The following WASL variants were observed in gnomAD, a reference collection of about 807,000 sequenced individuals.
The protein encoded by WASL is actin nucleation-promoting factor WASL.
In WASL, 20 loss-of-function variants were observed where a neutral mutation model predicts 55.5. The observed-to-expected ratio is 0.36, with a 90% CI of 0.25 to 0.52. The LOEUF (loss-of-function observed/expected upper bound fraction) is 0.52, where lower values mean the gene tolerates loss of function less well. Ranked by LOEUF, WASL falls within the 20% of genes least tolerant of loss-of-function variation. The pLI, the probability that WASL is intolerant of heterozygous loss-of-function variation, is 0.92. For synonymous variants in WASL, 249 were observed against 217.6 expected, an observed-to-expected ratio of 1.14 and a Z score of -1.27; for missense variants, 504 against 622.5, an observed-to-expected ratio of 0.81 and a Z score of 2.03.
intron 1 of WASL, among the ~76,000 whole-genome samples, chr7:123,712,366 A>G (rs1265879624): frequency 6.6e-6 from 1 of 152,176 alleles, no homozygotes; most frequent in Non-Finnish European, 1.5e-5. Flanking sequence ...AGTATTTGTT[A>G]AAAACTACAT....
chr7:123,705,240 A>C (rs1034572522), intron 4 of WASL, among the ~76,000 whole-genome samples: 42 of 152,278 alleles, frequency 2.8e-4, no homozygotes, highest in African/African-American at 9.4e-4. Context: ...GGCAGAGTCA[A>C]TAGGACTCTG....
At chr7:123,712,787 C>A (rs1392263271) in intron 1 of WASL, among the ~76,000 whole-genome samples, 2 of 152,266 alleles carry the variant, frequency 1.3e-5, no homozygotes, top group East Asian at 3.9e-4. Context: ...CCCACTTCCT[C>A]CTATTCCCTC....
intron 1 of WASL, among the ~76,000 whole-genome samples, chr7:123,716,962 T>C (rs979364259): frequency 1.3e-5 from 2 of 152,194 alleles, no homozygotes; most frequent in African/African-American, 4.8e-5. Flanking sequence ...GCTAATTCTA[T>C]ACTCAACATA....
Position 123,706,803 on chromosome 7 carries a change from T to C in WASL, c.276A>G (p.Gln92=). 1.3e-6 allele frequency: 2 copies of C among 1,566,094 alleles called. No individual in the cohort carries two copies. The highest frequency in any genetic ancestry group is 1.7e-6 in the Non-Finnish European group (2 of 1,161,244). ...DIKDGKLLWE[Q]ELYNNFVYNS... ...TATATACAAAGTTATTGTATAGCTC[T>C]TGTTCCCACAATAGTTTCCCATCCT... The change falls in exon 3 of 11, where the codon CAA becomes CAG. Residue 92 remains glutamine, a synonymous_variant. Coordinates refer to ENST00000223023, the MANE Select transcript of WASL (RefSeq NM_003941.4).
intron 9 of WASL, among the ~76,000 whole-genome samples, chr7:123,691,360 C>A (rs1803405081): frequency 6.6e-6 from 1 of 151,536 alleles, no homozygotes; most frequent in African/African-American, 2.4e-5. Context: ...CAAACTTGAG[C>A]CCATGGGCCA....
At chr7:123,716,267 G>C (rs1378520163) in intron 1 of WASL, among the ~76,000 whole-genome samples, 4 of 152,090 alleles carry the variant, frequency 2.6e-5, no homozygotes, top group Non-Finnish European at 5.9e-5. Flanking sequence ...GGGTGGAGGA[G>C]TGCAATGGCA....
chr7:123,708,120 AG>A (rs1215586140), intron 2 of WASL, among the ~76,000 whole-genome samples: 1 of 152,176 alleles, frequency 6.6e-6, no homozygotes, highest in Non-Finnish European at 1.5e-5. Flanking sequence ...AAGGAGATCA[AG>A]GTTGCAGTAA....
chr7:123,729,106 G>C lies in WASL; in HGVS notation c.117+19512C>G, dbSNP rs73718467. 6.7e-3 allele frequency among the ~76,000 whole-genome samples: 1,016 copies of C among 151,810 alleles called. 12 individuals are homozygous for C. Among genetic ancestry groups the C allele is most frequent in the African/African-American group, 0.024 (977 of 41,360 alleles). ...ACTGCCTATGTCTACAGTATCTGTT[G>C]GAAATATAATGCAAGCCAATAACCA... On this transcript the variant is annotated intron_variant, in intron 1 of 10. Coordinates refer to ENST00000223023, the MANE Select transcript of WASL (RefSeq NM_003941.4).
intron 1 of WASL, among the ~76,000 whole-genome samples, chr7:123,710,150 A>C (rs572849658): frequency 1.3e-5 from 2 of 152,246 alleles, no homozygotes; most frequent in African/African-American, 4.8e-5. Flanking sequence ...TATGAAAGTG[A>C]TACACACTTA....
At chr7:123,694,614 G>T in intron 8 of WASL, 101 bp downstream of exon 8, 2 of 1,243,426 alleles carry the variant, frequency 1.6e-6, no homozygotes, top group Non-Finnish European at 2.3e-6. Flanking sequence ...TCAACATTCT[G>T]CTCAAGGAAG....
chr7:123,727,293 C>T (rs935170397), intron 1 of WASL, among the ~76,000 whole-genome samples: 5 of 151,698 alleles, frequency 3.3e-5, no homozygotes, highest in African/African-American at 9.7e-5. Context: ...AATAAACATA[C>T]ATCTTTCCAG....
chr7:123,685,496 C>T (rs1735767342), intron 10 of WASL, among the ~76,000 whole-genome samples: 1 of 152,048 alleles, frequency 6.6e-6, no homozygotes, highest in African/African-American at 2.4e-5. Context: ...TCATAAACTA[C>T]TTCCTCAGAG....
At chr7:123,718,605 G>C (rs1469442699) in intron 1 of WASL, among the ~76,000 whole-genome samples, 1 of 152,002 alleles carries the variant, frequency 6.6e-6, no homozygotes. Flanking sequence ...ATGTGGTCTA[G>C]GCTGGTCTCC....
intron 1 of WASL, among the ~76,000 whole-genome samples, chr7:123,744,155 A>G (rs1038595795): frequency 1.2e-4 from 19 of 152,146 alleles, no homozygotes; most frequent in Non-Finnish European, 2.5e-4. Context: ...TCCCTACCCA[A>G]CAGGTCTGAT....
intron 1 of WASL, among the ~76,000 whole-genome samples, chr7:123,742,503 C>T (rs553229459): frequency 9.1e-4 from 139 of 152,122 alleles, no homozygotes; most frequent in Non-Finnish European, 1.6e-3. Flanking sequence ...AACTAAAAAC[C>T]GATTTTTTTA....
chr7:123,707,465 C>T (rs1394134409), intron 2 of WASL, among the ~76,000 whole-genome samples: 3 of 152,040 alleles, frequency 2.0e-5, no homozygotes, highest in Non-Finnish European at 4.4e-5. Context: ...ATGATGGCTG[C>T]CATATCTATT....
chr7:123,737,463 G>A (rs1412897886), intron 1 of WASL, among the ~76,000 whole-genome samples: 1 of 151,924 alleles, frequency 6.6e-6, no homozygotes, highest in African/African-American at 2.4e-5. Context: ...GGGCGTGGTG[G>A]TGCATGCCTG....
intron 5 of WASL, among the ~76,000 whole-genome samples, chr7:123,698,766 G>A (rs1473328210): frequency 6.6e-6 from 1 of 152,170 alleles, no homozygotes; most frequent in Non-Finnish European, 1.5e-5. Context: ...CGAATGACCT[G>A]AAAGGGTGAT....
chr7:123,716,379 C>T (rs951358123), intron 1 of WASL, among the ~76,000 whole-genome samples: 1 of 152,004 alleles, frequency 6.6e-6, no homozygotes, highest in Admixed American at 6.6e-5. Context: ...TCATGCCCAG[C>T]TAATTTTTGT....
Sources: allele counts gnomAD v4.1 joint callset (sites outside exome capture counted in the v4.1 genomes callset), GRCh38; gene constraint gnomAD v4.1.1; transcripts MANE v1.5; gene names NCBI Gene and HGNC (gene_info 2026-07-23, HGNC 2026-07-21).